Variants in ASB3 observed in about 807,000 individuals in gnomAD.
ASB3 encodes ankyrin repeat and SOCS box protein 3.
In ASB3, 41 loss-of-function variants were observed where a neutral mutation model predicts 54.5. The ratio of observed to expected loss-of-function variants is 0.75; its 90% CI spans 0.59 to 0.98. The LOEUF (loss-of-function observed/expected upper bound fraction) is 0.98, where lower values mean the gene tolerates loss of function less well. Among genes scored for constraint, ASB3 ranks in the 50% least tolerant of loss-of-function variants. The pLI is 0.00. For missense variants in ASB3, 733 were observed against 620.0 expected, an observed-to-expected ratio of 1.18 and a Z score of -1.94; for synonymous variants, 266 against 221.2, an observed-to-expected ratio of 1.20 and a Z score of -1.80.
intron 1 of ASB3, chr2:53,786,153 CAA>C (rs1325482758): frequency 6.6e-6 from 1 of 152,112 alleles, no homozygotes; most frequent in Non-Finnish European, 1.5e-5. Context: ...TCAAAACAGA[CAA>C]TGGCATTTTT....
rs377384365 is a variant in ASB3 at position 53,761,098 on chromosome 2, G to T, written c.196+4279C>A. The stretch of plus-strand genomic sequence containing the variant: ...CTTGGGTTTTACTGTTGAGAGGGGG[G>T]ACTGAGAGACAGGACTAGCTGGATT... On this transcript the variant is annotated intron_variant, in intron 2 of 9. Transcript: ENST00000263634. 2.1e-3 allele frequency among the ~76,000 whole-genome samples: 322 copies of T among 152,268 alleles called. 2 individuals carry two copies. Among genetic ancestry groups the T allele is most frequent in the African/African-American group, 7.3e-3 (304 of 41,538 alleles).
At chr2:53,678,462 A>G (rs1485270090) in intron 9 of ASB3, among the ~76,000 whole-genome samples, 3 of 152,194 alleles carry the variant, frequency 2.0e-5, no homozygotes, top group Non-Finnish European at 4.4e-5. Flanking sequence ...CTACTTCTTT[A>G]CAGAAATCGT....
chr2:53,723,969 A>T (rs1194228994), intron 5 of ASB3, among the ~76,000 whole-genome samples: 2 of 152,214 alleles, frequency 1.3e-5, no homozygotes, highest in African/African-American at 4.8e-5. Context: ...AAGACCTCAA[A>T]CTATAAAAAT....
chr2:53,712,745 AACAC>A (rs3061604), intron 7 of ASB3, among the ~76,000 whole-genome samples: 63 of 150,188 alleles, frequency 4.2e-4, no homozygotes, highest in Admixed American at 3.4e-3. Context: ...CATCATATTG[AACAC>A]ACACACACAC....
chr2:53,760,147 A>T (rs1370822450), intron 2 of ASB3, among the ~76,000 whole-genome samples: 1 of 152,166 alleles, frequency 6.6e-6, no homozygotes, highest in Non-Finnish European at 1.5e-5. Context: ...AGGGAGAGAC[A>T]TCCTAGGAAA....
intron 1 of ASB3, among the ~76,000 whole-genome samples, chr2:53,771,401 T>G (rs1271320783): frequency 6.6e-6 from 1 of 152,042 alleles, no homozygotes; most frequent in Non-Finnish European, 1.5e-5. Context: ...TAATCCCAAC[T>G]ACTCAGGAGG....
chr2:53,762,437 A>C (rs1673196041), intron 2 of ASB3, among the ~76,000 whole-genome samples: 1 of 152,222 alleles, frequency 6.6e-6, no homozygotes, highest in Non-Finnish European at 1.5e-5. Flanking sequence ...GTAACTCTTA[A>C]TCGCTGTGCT....
intron 3 of ASB3, among the ~76,000 whole-genome samples, chr2:53,738,936 T>C (rs1671788570): frequency 6.6e-6 from 1 of 152,154 alleles, no homozygotes; most frequent in African/African-American, 2.4e-5. Flanking sequence ...CTTTCCCCTC[T>C]TCAATCCAAA....
intron 7 of ASB3, among the ~76,000 whole-genome samples, chr2:53,703,497 G>A (rs1669603173): frequency 6.6e-6 from 1 of 152,168 alleles, no homozygotes; most frequent in African/African-American, 2.4e-5. Flanking sequence ...ACCTTAGGAG[G>A]CCAAGGCAGG....
chr2:53,729,419 C>G (rs766035887), intron 4 of ASB3, 39 bp downstream of exon 4: 4 of 1,603,814 alleles, frequency 2.5e-6, no homozygotes, highest in Admixed American at 3.3e-5. Flanking sequence ...GTAAAACACA[C>G]AATTTACATG....
At chr2:53,768,206 A>C in intron 1 of ASB3, 1 of 660,398 alleles carries the variant, frequency 1.5e-6, no homozygotes, top group Admixed American at 3.1e-5. Context: ...CAGCCCGGGC[A>C]CTCCTTCCGA....
At chr2:53,772,299 C>T (rs988999860) in intron 1 of ASB3, among the ~76,000 whole-genome samples, 25 of 152,172 alleles carry the variant, frequency 1.6e-4, no homozygotes, top group African/African-American at 5.5e-4. Flanking sequence ...CTCAGCCTCC[C>T]AAGTAGCTGG....
intron 2 of ASB3, among the ~76,000 whole-genome samples, chr2:53,763,942 A>AT (rs1479969980): frequency 1.3e-5 from 2 of 152,230 alleles, no homozygotes; most frequent in African/African-American, 4.8e-5. Context: ...TGAACATGTG[A>AT]TTTTAAAAAC....
intron 8 of ASB3, among the ~76,000 whole-genome samples, chr2:53,697,099 G>A (rs929988140): frequency 4.6e-5 from 7 of 152,292 alleles, no homozygotes; most frequent in South Asian, 2.1e-4. Context: ...CCATCAAAAC[G>A]AAGATGGTGA....
At chr2:53,741,161 G>C (rs1407278469) in intron 3 of ASB3, among the ~76,000 whole-genome samples, 1 of 152,150 alleles carries the variant, frequency 6.6e-6, no homozygotes, top group Non-Finnish European at 1.5e-5. Flanking sequence ...TAATCCCAAA[G>C]AGTCCTATTT....
chr2:53,778,149 CAAAAA>C (rs34356077), intron 1 of ASB3, among the ~76,000 whole-genome samples: 4 of 62,650 alleles, frequency 6.4e-5, no homozygotes, highest in Non-Finnish European at 1.1e-4. Flanking sequence ...ATTCTTGTCT[CAAAAA>C]AAAAAAAAAA....
At chr2:53,692,630 C>T (rs113513407) in intron 9 of ASB3, among the ~76,000 whole-genome samples, 3,746 of 152,250 alleles carry the variant, frequency 0.025, 136 homozygotes, top group African/African-American at 0.084. Context: ...TCTGGACAAA[C>T]TTGCCATATG....
In ASB3 at chr2:53,692,157, G is replaced by C. The variant is rs779097302; in HGVS notation, c.1369+1727C>G. On this transcript the variant is annotated intron_variant, in intron 9 of 9. Transcript: ENST00000263634. ...TGCAGACATTGCCAAATGTCTACAG[G>C]GGGGGCAAAAATCACCCCTATGCTA... 9.2e-5 allele frequency among the ~76,000 whole-genome samples: 14 copies of C among 151,984 alleles called. No homozygotes were observed. The South Asian group carries it at 2.3e-3, about 25-fold the overall frequency.
At chr2:53,684,147 C>G (rs1484773161) in intron 9 of ASB3, among the ~76,000 whole-genome samples, 1 of 152,108 alleles carries the variant, frequency 6.6e-6, no homozygotes, top group Non-Finnish European at 1.5e-5. Context: ...ATCAAGGAAT[C>G]CACTAATTAA....
Sources: gnomAD v4.1 joint callset for allele counts (sites outside exome capture counted in the v4.1 genomes callset) on GRCh38, gnomAD v4.1.1 for gene constraint, MANE v1.5 for transcripts, NCBI Gene and HGNC (gene_info 2026-07-23, HGNC 2026-07-21) for gene names.